Variants in ARVCF observed in about 807,000 individuals in gnomAD.
ARVCF encodes splicing regulator ARVCF.
ARVCF carries 66 observed loss-of-function variants against 90.9 expected under a neutral mutation model. The ratio of observed to expected loss-of-function variants is 0.73; its 90% CI spans 0.60 to 0.89. ARVCF has a LOEUF of 0.89. ARVCF is among the 40% of genes least tolerant of loss of function. The pLI is 0.00. For missense variants in ARVCF, 1,469 were observed against 1,382.3 expected (o/e 1.06, Z -1.00); for synonymous variants, 653 against 603.4 (o/e 1.08, Z -1.21).
intron 7 of ARVCF, 124 bp downstream of exon 7, chr22:19,978,773 G>A: frequency 8.4e-7 from 1 of 1,196,258 alleles, no homozygotes; most frequent in Non-Finnish European, 1.1e-6. Flanking sequence ...CAGGACTTGT[G>A]CCACAGCTCT....
chr22:19,987,653 G>C (rs1172154391), intron 3 of ARVCF, among the ~76,000 whole-genome samples: 2 of 152,058 alleles, frequency 1.3e-5, no homozygotes, highest in African/African-American at 4.8e-5. Context: ...TGAAATGGGG[G>C]CCGATGAGAC....
chr22:20,005,851 A>G (rs1944605848), intron 2 of ARVCF, among the ~76,000 whole-genome samples: 1 of 152,168 alleles, frequency 6.6e-6, no homozygotes, highest in Non-Finnish European at 1.5e-5. Flanking sequence ...GTGCACAATC[A>G]TATTCACAGC....
chr22:19,979,774 G>A lies in ARVCF; in HGVS notation c.1365C>T (p.Ala455=). 1 of 1,607,012 alleles carries A rather than the reference G, an allele frequency of 6.2e-7. No homozygotes were observed. Among genetic ancestry groups the A allele is most frequent in the Non-Finnish European group, 8.5e-7 (1 of 1,176,690 alleles). The change falls in exon 6 of 20, where the codon GCC becomes GCT. Residue 455 remains alanine, a synonymous_variant. Transcript: ENST00000263207. ...VPALVRLLRA[A]RDNEVRELVT... ...CAAGCTCACGGACCTCGTTGTCCCG[G>A]GCAGCCCTCAGCAGGCGCACCAGGG...
rs753543172 is a variant in ARVCF, at chr22:19,973,691, T to A, written c.2191A>T (p.Ile731Phe). The change falls in exon 13 of 20, where the codon ATC (isoleucine) becomes TTC (phenylalanine). Residue 731 changes from isoleucine (I) to phenylalanine (F), a missense_variant. By Grantham distance (21) the Ile-to-Phe change is conservative (BLOSUM62 0). Coordinates refer to ENST00000263207, the MANE Select transcript of ARVCF (RefSeq NM_001670.3). The stretch of plus-strand genomic sequence containing the variant: ...TCCAGCGAGAGGTTGCGCAGAGCGA[T>A]GGCGACGGCGCGCACCACCTTGTCG... ...ETDKVVRAVA[I>F]ALRNLSLDRR... The A allele has an allele frequency of 2.5e-6, 4 of 1,610,502 alleles. 1 individual carries two copies. In the South Asian group the frequency reaches 4.4e-5, roughly 18 times the overall value.
At chr22:19,978,801 G>A (rs1943308676) in intron 7 of ARVCF, 96 bp downstream of exon 7, 1 of 1,421,832 alleles carries the variant, frequency 7.0e-7, no homozygotes, top group African/African-American at 1.4e-5. Flanking sequence ...CTAAGCTCTG[G>A]CGCTCCTAAG....
At chr22:19,992,085 G>T (rs567870762) in intron 2 of ARVCF, among the ~76,000 whole-genome samples, 14 of 152,362 alleles carry the variant, frequency 9.2e-5, no homozygotes, top group African/African-American at 3.4e-4. Flanking sequence ...GCTGGGCTCA[G>T]CTGCGCCAGC....
intron 2 of ARVCF, among the ~76,000 whole-genome samples, chr22:19,998,240 TC>T (rs1052788496): frequency 6.6e-6 from 1 of 152,106 alleles, no homozygotes; most frequent in Non-Finnish European, 1.5e-5. Flanking sequence ...CAACGCCCTT[TC>T]CCCCCTCATT....
intron 3 of ARVCF, among the ~76,000 whole-genome samples, chr22:19,987,843 A>T (rs1263438546): frequency 1.3e-5 from 2 of 152,080 alleles, no homozygotes; most frequent in Non-Finnish European, 2.9e-5. Flanking sequence ...CGAGGCACAG[A>T]AGCCCCGAAT....
In ARVCF at chr22:19,990,781, T is replaced by C. The variant is rs772715007; in HGVS notation, c.14A>G (p.Asn5Ser). MEDCNVHSAASILAS... is the reference protein window; with the variant it reads MEDCSVHSAASILAS... ...CAGGATGCTGGCGGCCGAGTGCACA[T>C]TGCAGTCCTCCATGACCAGAGCGCC... is the stretch of plus-strand genomic sequence containing the variant. The change falls in exon 3 of 20, where the codon AAT becomes AGT. Residue 5 changes from asparagine (N) to serine (S), a missense_variant. Coordinates refer to ENST00000263207, the MANE Select transcript of ARVCF (RefSeq NM_001670.3). The C allele has an allele frequency of 2.8e-5, 44 of 1,572,066 alleles. No homozygotes were observed. The highest frequency in any genetic ancestry group is 3.6e-5 in the Non-Finnish European group (42 of 1,158,078).
At chr22:19,968,365 TGTACAGTCC>T (rs1263544662), downstream of ARVCF, among the ~76,000 whole-genome samples, 1 of 152,164 alleles carries the variant, frequency 6.6e-6, no homozygotes, top group African/African-American at 2.4e-5. Flanking sequence ...ACCCAAGTCT[TGTACAGTCC>T]TTTCCTGCAG....
intron 2 of ARVCF, among the ~76,000 whole-genome samples, chr22:19,998,786 G>A (rs55702521): frequency 0.049 from 7,445 of 152,284 alleles, 214 homozygotes; most frequent in South Asian, 0.084. Context: ...GGCAGGGGCC[G>A]TGAGACGGCA....
At chr22:19,994,474 G>A (rs1424025866) in intron 2 of ARVCF, among the ~76,000 whole-genome samples, 4 of 119,828 alleles carry the variant, frequency 3.3e-5, no homozygotes, top group South Asian at 6.1e-4. Context: ...ATGGGTGGGT[G>A]GGGGGATGGT....
At chr22:20,005,639 G>A (rs1454570947) in intron 2 of ARVCF, among the ~76,000 whole-genome samples, 1 of 152,074 alleles carries the variant, frequency 6.6e-6, no homozygotes, top group Non-Finnish European at 1.5e-5. Flanking sequence ...CTAGCACGGT[G>A]AAACCCCGTC....
chr22:19,998,697 C>A (rs1944342438), intron 2 of ARVCF, among the ~76,000 whole-genome samples: 1 of 152,172 alleles, frequency 6.6e-6, no homozygotes, highest in South Asian at 2.1e-4. Flanking sequence ...GAGCTCCCGC[C>A]AGTCAGGAAA....
At chr22:19,974,083 T>C in intron 12 of ARVCF, 29 bp downstream of exon 12, 1 of 1,588,058 alleles carries the variant, frequency 6.3e-7, no homozygotes. Flanking sequence ...TCTCAGGACT[T>C]GCCCACCCTG....
At chr22:19,984,095 G>T (rs555879158) in intron 3 of ARVCF, among the ~76,000 whole-genome samples, 2 of 152,356 alleles carry the variant, frequency 1.3e-5, no homozygotes, top group East Asian at 3.9e-4. Flanking sequence ...TGGCGACAGA[G>T]TGAGGAGGGT....
rs1942685015 is a variant in ARVCF, at chr22:19,970,385, G to A, written c.*371C>T. ...GGCGCCAGACCTGGCCCGCACCACTGGGGCACTGTGTTCCCAGGGGCACCC... is the reference window on the plus strand; with the variant it reads ...GGCGCCAGACCTGGCCCGCACCACTAGGGCACTGTGTTCCCAGGGGCACCC... On this transcript the variant is annotated 3_prime_UTR_variant, in exon 20 of 20. Transcript: ENST00000263207. 1 of 1,041,488 alleles carries A rather than the reference G, an allele frequency of 9.6e-7. No homozygotes were observed. The highest frequency in any genetic ancestry group is 2.9e-5 in the South Asian group (1 of 33,984). The allele number at this position is 1,041,488 out of a possible 1,614,324, so 64.5% of individuals were successfully genotyped here.
chr22:19,977,042 T>C (rs1250194834), intron 9 of ARVCF, among the ~76,000 whole-genome samples: 1 of 151,962 alleles, frequency 6.6e-6, no homozygotes, highest in African/African-American at 2.4e-5. Flanking sequence ...GATGGGGGGC[T>C]GCCCCACAGG....
intron 1 of ARVCF, among the ~76,000 whole-genome samples, chr22:20,011,060 C>T (rs1944811111): frequency 6.6e-6 from 1 of 152,208 alleles, no homozygotes; most frequent in Non-Finnish European, 1.5e-5. Flanking sequence ...GGTTCCTGGC[C>T]CTGGAGCTGT....
Sources: gnomAD v4.1 joint callset for allele counts (sites outside exome capture counted in the v4.1 genomes callset) on GRCh38, gnomAD v4.1.1 for gene constraint, MANE v1.5 for transcripts, NCBI Gene and HGNC (gene_info 2026-07-23, HGNC 2026-07-21) for gene names.